Variants in ZFYVE9 observed in about 807,000 individuals in gnomAD.
ZFYVE9 encodes zinc finger FYVE-type containing 9, also known as zinc finger FYVE domain-containing protein 9.
ZFYVE9 carries 43 observed loss-of-function variants against 126.7 expected under a neutral mutation model. That is an observed-to-expected ratio of 0.34 (90% CI 0.27 to 0.44). ZFYVE9 has a LOEUF of 0.44. Ranked by LOEUF, ZFYVE9 falls within the 20% of genes least tolerant of loss-of-function variation. ZFYVE9 has a pLI of 1.00. For synonymous variants in ZFYVE9, 521 were observed against 597.4 expected (o/e 0.87, Z 1.87); for missense variants, 1,476 against 1,697.0 (o/e 0.87, Z 2.29).
chr1:52,176,653 AGCTTCCCGGCT>A (rs1329003588), intron 1 of ZFYVE9, among the ~76,000 whole-genome samples: 3 of 152,104 alleles, frequency 2.0e-5, no homozygotes, highest in East Asian at 3.9e-4. Context: ...ACCCAGTTCG[AGCTTCCCGGCT>A]GCTTTGTTTA....
intron 13 of ZFYVE9, among the ~76,000 whole-genome samples, chr1:52,318,594 A>G (rs528568874): frequency 5.3e-5 from 8 of 151,936 alleles, no homozygotes; most frequent in East Asian, 1.9e-4. Context: ...TAATAAGGGG[A>G]AAAAAAATAA....
intron 17 of ZFYVE9, among the ~76,000 whole-genome samples, chr1:52,341,215 C>T (rs1225545271): frequency 2.6e-5 from 4 of 152,184 alleles, no homozygotes; most frequent in Non-Finnish European, 4.4e-5. Flanking sequence ...AGCGAAACTC[C>T]GTCTCCAAAA....
At chr1:52,180,415 T>A (rs778071549) in intron 1 of ZFYVE9, 1 of 1,476,070 alleles carries the variant, frequency 6.8e-7, no homozygotes, top group Non-Finnish European at 9.4e-7. Flanking sequence ...AGAGATGAGT[T>A]GCAGTGAAAA....
chr1:52,310,809 C>T (rs987769493), intron 13 of ZFYVE9, among the ~76,000 whole-genome samples: 4 of 152,188 alleles, frequency 2.6e-5, no homozygotes, highest in East Asian at 1.9e-4. Context: ...TCTCATGGAA[C>T]GGTAGAACTA....
chr1:52,206,798 C>G (rs1644981966), intron 1 of ZFYVE9, among the ~76,000 whole-genome samples: 1 of 152,148 alleles, frequency 6.6e-6, no homozygotes, highest in African/African-American at 2.4e-5. Flanking sequence ...GATCTGCCCA[C>G]CTCGGCCTCC....
intron 11 of ZFYVE9, among the ~76,000 whole-genome samples, chr1:52,294,078 G>A (rs1010292444): frequency 1.9e-4 from 29 of 152,194 alleles, no homozygotes; most frequent in Non-Finnish European, 4.3e-4. Flanking sequence ...ACTCTCAGTT[G>A]GTAAGATACA....
At chr1:52,227,774 A>C (rs1384540972) in intron 2 of ZFYVE9, among the ~76,000 whole-genome samples, 1 of 152,138 alleles carries the variant, frequency 6.6e-6, no homozygotes, top group Admixed American at 6.5e-5. Context: ...ACTCTATTCC[A>C]TCCTGCTCCA....
chr1:52,152,473 G>A (rs1450418623), intron 1 of ZFYVE9, among the ~76,000 whole-genome samples: 2 of 152,104 alleles, frequency 1.3e-5, no homozygotes, highest in Non-Finnish European at 1.5e-5. Context: ...CATTCTGCAC[G>A]TTATTAGAAT....
chr1:52,175,605 A>G (rs1050609471), intron 1 of ZFYVE9, among the ~76,000 whole-genome samples: 4 of 151,650 alleles, frequency 2.6e-5, no homozygotes, highest in Non-Finnish European at 4.4e-5. Flanking sequence ...AGTGTTTGCC[A>G]ACTTGGTTCC....
At chr1:52,230,425 G>A (rs1645208228) in intron 2 of ZFYVE9, among the ~76,000 whole-genome samples, 1 of 151,880 alleles carries the variant, frequency 6.6e-6, no homozygotes, top group Non-Finnish European at 1.5e-5. Context: ...TTGCGGGGGT[G>A]GGGATCGTAC....
At chr1:52,301,413 C>T (rs191536408) in intron 12 of ZFYVE9, among the ~76,000 whole-genome samples, 5 of 151,306 alleles carry the variant, frequency 3.3e-5, no homozygotes, top group Admixed American at 1.3e-4. Flanking sequence ...GTGATCCCCC[C>T]GACCTTGGCC....
At chr1:52,278,928 A>G (rs969467883) in intron 9 of ZFYVE9, among the ~76,000 whole-genome samples, 3 of 150,924 alleles carry the variant, frequency 2.0e-5, no homozygotes, top group African/African-American at 7.3e-5. Context: ...TTTAGTAGAG[A>G]CAGGGTTTCA....
intron 7 of ZFYVE9, 85 bp from the exon 8 acceptor site, chr1:52,274,379 T>G (rs1454352945): frequency 7.0e-7 from 1 of 1,433,078 alleles, no homozygotes; most frequent in African/African-American, 1.4e-5. Flanking sequence ...GATTTTCACT[T>G]AAGTTCCCAT....
intron 7 of ZFYVE9, among the ~76,000 whole-genome samples, chr1:52,272,673 C>CTTTGTTTTTTTTTTTTTTTTTTTT (rs1645704920): frequency 1.6e-5 from 2 of 121,286 alleles, no homozygotes; most frequent in African/African-American, 6.8e-5. Context: ...TAGAAATAAT[C>CTTTGTTTTTTTTTTTTTTTTTTTT]TTTTTTTTTT....
At chr1:52,182,453 G>A (rs367547279) in intron 1 of ZFYVE9, among the ~76,000 whole-genome samples, 2 of 152,150 alleles carry the variant, frequency 1.3e-5, no homozygotes, top group African/African-American at 4.8e-5. Flanking sequence ...ACCTTACCCC[G>A]AACCCTGTGC....
At chr1:52,323,415 C>T (rs77894127) in intron 13 of ZFYVE9, among the ~76,000 whole-genome samples, 1,890 of 152,154 alleles carry the variant, frequency 0.012, 35 homozygotes, top group African/African-American at 0.043. Context: ...TTGTTTTTGT[C>T]TCCTCCTCCT....
chr1:52,159,497 C>G lies in ZFYVE9; in HGVS notation c.-143+17094C>G, dbSNP rs929458742. On this transcript the variant is annotated intron_variant, in intron 1 of 18. Coordinates refer to ENST00000287727, the MANE Select transcript of ZFYVE9 (RefSeq NM_004799.4). Reference sequence around the variant, plus strand: ...GCAGGTCTGACAGAGTCTCAGACAACACAGTGAAGACTTGAACAAAAATTG... The same window carrying G: ...GCAGGTCTGACAGAGTCTCAGACAAGACAGTGAAGACTTGAACAAAAATTG... 2.0e-5 allele frequency among the ~76,000 whole-genome samples: 3 copies of G among 152,170 alleles called. No individual in the cohort carries two copies. In the South Asian group the frequency reaches 6.2e-4, roughly 32 times the overall value.
At chr1:52,198,195 C>T (rs1189448877) in intron 1 of ZFYVE9, among the ~76,000 whole-genome samples, 1 of 141,130 alleles carries the variant, frequency 7.1e-6, no homozygotes, top group Non-Finnish European at 1.5e-5. Context: ...TATCTCGGCT[C>T]ACTACAACCT....
intron 15 of ZFYVE9, among the ~76,000 whole-genome samples, chr1:52,337,005 A>G (rs1466576800): frequency 6.6e-6 from 1 of 152,000 alleles, no homozygotes; most frequent in African/African-American, 2.4e-5. Context: ...TACCAATTCA[A>G]AGCAGTGTGT....
Sources: allele counts gnomAD v4.1 joint callset (sites outside exome capture counted in the v4.1 genomes callset), GRCh38; gene constraint gnomAD v4.1.1; transcripts MANE v1.5; gene names NCBI Gene and HGNC (gene_info 2026-07-23, HGNC 2026-07-21).